The following ABI2 variants were observed in gnomAD, a reference collection of about 807,000 sequenced individuals.
ABI2 encodes abl interactor 2, also known as abelson interactor 2.
ABI2 carries 25 observed loss-of-function variants against 59.2 expected under a neutral mutation model. That is an observed-to-expected ratio of 0.42 (90% CI 0.31 to 0.59). The LOEUF is 0.59. ABI2 is among the 20% of genes least tolerant of loss of function. The probability of loss-of-function intolerance (pLI) is 0.14; values close to 1 mark genes in which losing one functional copy is unlikely to be tolerated. For missense variants in ABI2, 545 were observed against 681.8 expected (o/e 0.80, Z 2.23); for synonymous variants, 213 against 235.5 (o/e 0.90, Z 0.87).
rs1305960412 is a variant in ABI2 at position 203,372,519 on chromosome 2, C to T, written c.285+5475C>T. 4.0e-5 allele frequency among the ~76,000 whole-genome samples: 6 copies of T among 148,384 alleles called. No individual in the cohort carries two copies. The East Asian group carries it at 1.0e-3, about 25-fold the overall frequency. On this transcript the variant is annotated intron_variant, in intron 2 of 11. Transcript: ENST00000261018. ...AGTAGGGGCGGCCGGGCAGAGGCGC[C>T]CCTCATCTCCCAGACGGGGCGGCTG...
rs529702314 is a variant in ABI2, at chr2:203,389,308, T to A, written c.481-1738T>A. On this transcript the variant is annotated intron_variant, in intron 4 of 11. Transcript: ENST00000261018. ...CAACAAAAGGATTACAGATAAATGC[T>A]TCACTTTAAAATATTGACATTTCAA... Among the ~76,000 whole-genome samples, 5 of 152,358 alleles carry A rather than the reference T, an allele frequency of 3.3e-5. No homozygotes were observed. In the South Asian group the frequency reaches 1.0e-3, roughly 32 times the overall value.
chr2:203,389,778 T>G (rs2096668977), intron 4 of ABI2, among the ~76,000 whole-genome samples: 1 of 152,234 alleles, frequency 6.6e-6, no homozygotes. Flanking sequence ...AACTTGAGAC[T>G]GCATTTGAAC....
intron 10 of ABI2, among the ~76,000 whole-genome samples, chr2:203,412,934 A>G (rs1165291118): frequency 6.6e-6 from 1 of 152,246 alleles, no homozygotes; most frequent in Non-Finnish European, 1.5e-5. Context: ...TACTCCATAC[A>G]AGGTGGAAAG....
chr2:203,371,158 A>C (rs1413020647), intron 2 of ABI2, among the ~76,000 whole-genome samples: 4 of 152,164 alleles, frequency 2.6e-5, no homozygotes, highest in African/African-American at 9.7e-5. Context: ...CTCACAAATG[A>C]GCTTGATTTT....
At chr2:203,388,432 C>T (rs531140928) in intron 4 of ABI2, among the ~76,000 whole-genome samples, 5 of 152,222 alleles carry the variant, frequency 3.3e-5, no homozygotes, top group Non-Finnish European at 7.4e-5. Flanking sequence ...CCTGTAATCC[C>T]AGCGCTTTGG....
intron 9 of ABI2, among the ~76,000 whole-genome samples, chr2:203,409,896 C>CTAAGCA (rs2097584650): frequency 2.6e-5 from 4 of 152,194 alleles, no homozygotes; most frequent in Non-Finnish European, 5.9e-5. Context: ...GAAAATCCAA[C>CTAAGCA]CTCTTTCCAC....
chr2:203,391,165 G>T, intron 5 of ABI2, 22 bp downstream of exon 5: 1 of 1,515,062 alleles, frequency 6.6e-7, no homozygotes, highest in South Asian at 1.2e-5. Flanking sequence ...AGTAGTAATT[G>T]AAAACCATTT....
At chr2:203,374,227 C>T (rs71425997) in intron 2 of ABI2, among the ~76,000 whole-genome samples, 3,866 of 150,448 alleles carry the variant, frequency 0.026, 71 homozygotes, top group Non-Finnish European at 0.038. Flanking sequence ...GGCCAGGCTC[C>T]GTGGCTCACG....
chr2:203,408,223 C>A (rs958428738), intron 9 of ABI2, among the ~76,000 whole-genome samples: 10 of 147,746 alleles, frequency 6.8e-5, no homozygotes, highest in African/African-American at 2.3e-4. Flanking sequence ...AGTGCAATGG[C>A]ATGATCTCGG....
chr2:203,411,447 G>C, intron 10 of ABI2, 76 bp downstream of exon 10: 1 of 1,146,506 alleles, frequency 8.7e-7, no homozygotes, highest in Admixed American at 1.9e-5. Flanking sequence ...TGACTGGATA[G>C]TCATTCATTT....
intron 7 of ABI2, 65 bp from the exon 8 acceptor site, chr2:203,396,720 C>T (rs1161334516): frequency 3.5e-6 from 5 of 1,421,200 alleles, no homozygotes; most frequent in Non-Finnish European, 4.6e-6. Context: ...ACTCTAATAC[C>T]TTTTCTAATC....
intron 1 of ABI2, among the ~76,000 whole-genome samples, chr2:203,335,057 G>A (rs759497093): frequency 2.0e-5 from 3 of 152,018 alleles, no homozygotes; most frequent in Non-Finnish European, 4.4e-5. Context: ...ATTCTATTTT[G>A]GATTTTTCAT....
intron 1 of ABI2, among the ~76,000 whole-genome samples, chr2:203,362,702 T>C (rs1157638956): frequency 6.6e-6 from 1 of 151,934 alleles, no homozygotes; most frequent in African/African-American, 2.4e-5. Flanking sequence ...AATTTTTATA[T>C]GTTTAGTAGA....
At chr2:203,426,591 T>C (rs2098430624) in intron 11 of ABI2, among the ~76,000 whole-genome samples, 1 of 152,122 alleles carries the variant, frequency 6.6e-6, no homozygotes, top group Admixed American at 6.6e-5. Flanking sequence ...TGAAAAAATA[T>C]ATGTAGCGGA....
intron 2 of ABI2, among the ~76,000 whole-genome samples, chr2:203,373,247 G>A (rs533509147): frequency 5.4e-4 from 83 of 152,320 alleles, no homozygotes; most frequent in African/African-American, 1.9e-3. Context: ...GATCACTCGC[G>A]GTTAGGAGCT....
At chr2:203,417,143 C>A in intron 11 of ABI2, 62 bp downstream of exon 11, 1 of 1,387,056 alleles carries the variant, frequency 7.2e-7, no homozygotes, top group Non-Finnish European at 9.6e-7. Context: ...ATGAAATTTG[C>A]GGTACTGAAG....
chr2:203,338,932 A>ATGTG (rs1559153626), intron 1 of ABI2, among the ~76,000 whole-genome samples: 3 of 17,750 alleles, frequency 1.7e-4, no homozygotes, highest in South Asian at 1.8e-3. Flanking sequence ...GTGTGTGTAT[A>ATGTG]TGTATATATA....
At chr2:203,414,959 G>A (rs951334419) in intron 10 of ABI2, among the ~76,000 whole-genome samples, 5 of 152,192 alleles carry the variant, frequency 3.3e-5, no homozygotes, top group Non-Finnish European at 7.4e-5. Flanking sequence ...GCAGTTACAA[G>A]AAAAGTAAAA....
rs973595586 is a variant in ABI2 at position 203,391,026 on chromosome 2, T to C, written c.481-20T>C. On this transcript the variant is annotated intron_variant, in intron 4 of 11. Coordinates refer to ENST00000261018, the MANE Select transcript of ABI2 (RefSeq NM_001375670.1). The stretch of plus-strand genomic sequence containing the variant: ...TTTATTTCACTGCATACAAGTTGAG[T>C]TTTCCTTAAAATTTTTTAGGTGAGT... The C allele has an allele frequency of 1.2e-6, 2 of 1,606,526 alleles. No individual in the cohort carries two copies. The highest frequency in any genetic ancestry group is 1.7e-6 in the Non-Finnish European group (2 of 1,174,196).
Sources: gnomAD v4.1 joint callset for allele counts (sites outside exome capture counted in the v4.1 genomes callset) on GRCh38, gnomAD v4.1.1 for gene constraint, MANE v1.5 for transcripts, NCBI Gene and HGNC (gene_info 2026-07-23, HGNC 2026-07-21) for gene names.